The following ADAM18 variants were observed in gnomAD, a reference collection of about 807,000 sequenced individuals.
ADAM18 encodes the protein ADAM metallopeptidase domain 18.
A neutral mutation model predicts 94.4 loss-of-function variants in ADAM18; 117 were observed. That is an observed-to-expected ratio of 1.24 (90% confidence interval 1.07 to 1.45). ADAM18 has a LOEUF of 1.45. ADAM18 is among the 40% of genes most tolerant of loss of function. ADAM18 has a pLI of 0.00. For synonymous variants in ADAM18, 327 were observed against 291.6 expected, an observed-to-expected ratio of 1.12 and a Z score of -1.24; for missense variants, 936 against 880.0, an observed-to-expected ratio of 1.06 and a Z score of -0.81.
At chr8:39,609,261 A>G in intron 4 of ADAM18, 141 bp downstream of exon 4, 1 of 735,480 alleles carries the variant, frequency 1.4e-6, no homozygotes, top group Non-Finnish European at 2.2e-6. Flanking sequence ...GGCATGTGAT[A>G]GAGATGAAAC....
chr8:39,627,603 C>G (rs895951324), intron 6 of ADAM18, among the ~76,000 whole-genome samples: 1 of 152,040 alleles, frequency 6.6e-6, no homozygotes, highest in Non-Finnish European at 1.5e-5. Context: ...CTATAAGAAT[C>G]TTTACATGTT....
intron 18 of ADAM18, among the ~76,000 whole-genome samples, chr8:39,722,812 TG>T (rs1194913447): frequency 5.3e-5 from 8 of 151,700 alleles, no homozygotes; most frequent in Non-Finnish European, 1.0e-4. Flanking sequence ...AGACAGTGTC[TG>T]GTAAACTAAG....
intron 17 of ADAM18, among the ~76,000 whole-genome samples, chr8:39,702,301 G>A (rs937530229): frequency 2.0e-5 from 3 of 151,900 alleles, no homozygotes; most frequent in Non-Finnish European, 4.4e-5. Context: ...TTTTTGAAAA[G>A]TTTCTGTTCA....
At chr8:39,648,553 G>A in intron 12 of ADAM18, 26 bp downstream of exon 12, 2 of 1,569,358 alleles carry the variant, frequency 1.3e-6, no homozygotes, top group South Asian at 1.2e-5. Context: ...TGAAACTCGA[G>A]CACAATTTTT....
chr8:39,609,136 T>G lies in ADAM18; in HGVS notation c.267+16T>G. On this transcript the variant is annotated intron_variant, in intron 4 of 19. Transcript: ENST00000265707. ...ATATTTTATGGTAAAGTAAGATACCTTATTTTTTTTGTTAAAGTGGTTATA... is the reference window on the plus strand; with the variant it reads ...ATATTTTATGGTAAAGTAAGATACCGTATTTTTTTTGTTAAAGTGGTTATA... The G allele has an allele frequency of 1.3e-6, 2 of 1,487,288 alleles. No individual in the cohort carries two copies. The highest frequency in any genetic ancestry group is 1.8e-6 in the Non-Finnish European group (2 of 1,086,736). 92.1% of individuals were successfully genotyped at this position (1,487,288 alleles called of 1,614,324 possible). A position where few individuals can be genotyped will look rare whatever the true frequency, so the allele number is the denominator to read the frequency against.
chr8:39,674,835 C>T (rs978526410), intron 14 of ADAM18, among the ~76,000 whole-genome samples: 2 of 152,188 alleles, frequency 1.3e-5, no homozygotes, highest in African/African-American at 4.8e-5. Context: ...CAAAATCTCT[C>T]AGCATTTGCT....
intron 2 of ADAM18, among the ~76,000 whole-genome samples, chr8:39,588,415 A>ATTTGT (rs1398227605): frequency 2.0e-5 from 3 of 151,856 alleles, no homozygotes; most frequent in Non-Finnish European, 2.9e-5. Flanking sequence ...TAATCAGGTT[A>ATTTGT]TTTGTTTTGT....
At chr8:39,665,474 G>T (rs1820971314) in intron 13 of ADAM18, among the ~76,000 whole-genome samples, 1 of 152,170 alleles carries the variant, frequency 6.6e-6, no homozygotes, top group South Asian at 2.1e-4. Context: ...GAGAGGGATT[G>T]CTGGATCATA....
At chr8:39,713,146 A>G (rs1822466153) in intron 18 of ADAM18, among the ~76,000 whole-genome samples, 1 of 152,114 alleles carries the variant, frequency 6.6e-6, no homozygotes, top group South Asian at 2.1e-4. Flanking sequence ...CACATCTACA[A>G]CCATCTGATC....
intron 18 of ADAM18, among the ~76,000 whole-genome samples, chr8:39,719,986 A>G (rs538203542): frequency 9.2e-5 from 14 of 151,636 alleles, no homozygotes; most frequent in African/African-American, 3.4e-4. Flanking sequence ...AAAATCTGGT[A>G]ACAATGTAAA....
intron 2 of ADAM18, among the ~76,000 whole-genome samples, chr8:39,593,423 A>C (rs1054565267): frequency 1.3e-5 from 2 of 152,174 alleles, no homozygotes; most frequent in Non-Finnish European, 2.9e-5. Context: ...CCACAAAATA[A>C]CCTCGAGTAG....
At chr8:39,590,272 C>T (rs899339789) in intron 2 of ADAM18, among the ~76,000 whole-genome samples, 1 of 152,016 alleles carries the variant, frequency 6.6e-6, no homozygotes, top group African/African-American at 2.4e-5. Flanking sequence ...ATGATGAGTT[C>T]ATGTCCTTTG....
chr8:39,678,387 A>G (rs1307298484), intron 15 of ADAM18, among the ~76,000 whole-genome samples: 1 of 152,184 alleles, frequency 6.6e-6, no homozygotes, highest in Non-Finnish European at 1.5e-5. Flanking sequence ...CCTCCTCCAT[A>G]TGTGAAATTA....
chr8:39,649,528 CATAAA>C (rs1585938089), intron 12 of ADAM18, among the ~76,000 whole-genome samples: 1 of 152,068 alleles, frequency 6.6e-6, no homozygotes, highest in Non-Finnish European at 1.5e-5. Context: ...TTTTATGAAT[CATAAA>C]ATAAAGCAAC....
intron 2 of ADAM18, among the ~76,000 whole-genome samples, chr8:39,605,545 G>A (rs569518948): frequency 5.5e-4 from 83 of 152,018 alleles, no homozygotes; most frequent in African/African-American, 1.9e-3. Flanking sequence ...ATTTGTTACT[G>A]GTTCGTTATA....
chr8:39,666,677 C>T (rs1279637398), intron 13 of ADAM18, among the ~76,000 whole-genome samples: 1 of 152,116 alleles, frequency 6.6e-6, no homozygotes, highest in African/African-American at 2.4e-5. Context: ...AGAGCTTGTG[C>T]AGGGAAACTG....
intron 18 of ADAM18, among the ~76,000 whole-genome samples, chr8:39,716,732 C>G (rs1234149545): frequency 1.3e-5 from 2 of 151,890 alleles, no homozygotes; most frequent in African/African-American, 2.4e-5. Flanking sequence ...TAGTATGATT[C>G]AAACTCTCTG....
chr8:39,634,213 A>T (rs1299849603), intron 7 of ADAM18, among the ~76,000 whole-genome samples: 1 of 152,078 alleles, frequency 6.6e-6, no homozygotes, highest in Non-Finnish European at 1.5e-5. Flanking sequence ...AAGGGTGCAG[A>T]CTGTGAACCT....
In ADAM18 at chr8:39,610,568, A is replaced by G; in HGVS notation, c.384A>G (p.Glu128=). ...TTGAAAATATCAGTTATGGAATTGA[A>G]CCAGTAGAATCTTCAGCAAGATTTG... ...LQFENISYGI[E]PVESSARFEH... is the part of the protein sequence containing the mutation. The change falls in exon 6 of 20, where the codon GAA becomes GAG. Residue 128 remains glutamate (E), a synonymous_variant. Transcript: ENST00000265707. The G allele has an allele frequency of 6.2e-7, 1 of 1,611,450 alleles. No homozygotes were observed. Among genetic ancestry groups the G allele is most frequent in the South Asian group, 1.1e-5 (1 of 90,666 alleles).
Sources: allele counts gnomAD v4.1 joint callset (sites outside exome capture counted in the v4.1 genomes callset), GRCh38; gene constraint gnomAD v4.1.1; transcripts MANE v1.5; gene names NCBI Gene and HGNC (gene_info 2026-07-23, HGNC 2026-07-21).